Variants in MAN2B2 observed in about 807,000 individuals in gnomAD.
MAN2B2 encodes mannosidase alpha class 2B member 2.
In MAN2B2, 106 loss-of-function variants were observed where a neutral mutation model predicts 117.1. The observed-to-expected ratio is 0.90, with a 90% confidence interval of 0.77 to 1.06. The LOEUF is 1.06. MAN2B2 is among the 50% of genes least tolerant of loss of function. MAN2B2 has a pLI of 0.00. For synonymous variants in MAN2B2, 544 were observed against 595.1 expected, an observed-to-expected ratio of 0.91 and a Z score of 1.25; for missense variants, 1,326 against 1,381.4, an observed-to-expected ratio of 0.96 and a Z score of 0.64.
In MAN2B2 at chr4:6,611,256, G is replaced by A; in HGVS notation, c.2541G>A (p.Val847=). The change falls in exon 15 of 19, where the codon GTG becomes GTA. Residue 847 remains valine, a synonymous_variant. Transcript: ENST00000285599. The part of the protein sequence containing the change: ...RSALALQHRP[V]VLFGDLAGTA... Reference sequence around the variant, plus strand: ...CACTGGCGCTGCAGCACAGGCCCGTGGTGCTGTTCGGAGACCTCGCTGGTA... The same window carrying A: ...CACTGGCGCTGCAGCACAGGCCCGTAGTGCTGTTCGGAGACCTCGCTGGTA... 1 of 1,608,146 alleles carries A rather than the reference G, an allele frequency of 6.2e-7. No homozygotes were observed. Among genetic ancestry groups the A allele is most frequent in the Non-Finnish European group, 8.5e-7 (1 of 1,177,656 alleles).
intron 6 of MAN2B2, 35 bp downstream of exon 6, chr4:6,593,385 C>A: frequency 6.3e-7 from 1 of 1,587,502 alleles, no homozygotes. Context: ...GCCCTCAACA[C>A]AGCCCAAGGA....
Position 6,598,206 on chromosome 4 carries a change from C to T in MAN2B2, c.1257C>T (p.His419=), listed in dbSNP as rs752000583. Reference sequence around the variant, plus strand: ...TCTGGGGGTTGCTGCAGGTCCAGCACCATGATGCCATCACTGGGACTGAGT... The same window carrying T: ...TCTGGGGGTTGCTGCAGGTCCAGCATCATGATGCCATCACTGGGACTGAGT... ...QLRWAVSEVQ[H]HDAITGTESP... The change falls in exon 9 of 19, where the codon CAC becomes CAT. Residue 419 remains histidine (H), a synonymous_variant. Coordinates refer to ENST00000285599, the MANE Select transcript of MAN2B2 (RefSeq NM_015274.3). 6.2e-7 allele frequency: 1 copy of T among 1,613,490 alleles called. No homozygotes were observed. Among genetic ancestry groups the T allele is most frequent in the South Asian group, 1.1e-5 (1 of 91,084 alleles).
rs771068415 is a variant in MAN2B2 at position 6,587,110 on chromosome 4, A to G, written c.506A>G (p.Asn169Ser). 5.7e-5 allele frequency: 92 copies of G among 1,613,836 alleles called. No homozygotes were observed. Among genetic ancestry groups the G allele is most frequent in the South Asian group, 7.7e-5 (7 of 91,082 alleles). Residue 169 changes from asparagine (N) to serine (S), a missense_variant, in exon 4 of 19, where the codon AAT becomes AGT. Physicochemically the swap from Asn to Ser is conservative, Grantham distance 46. Transcript: ENST00000285599. ...ACCCTATTTGCGCTGGCGGGCTTCA[A>G]TGCCCACCTCGGCTCCCGGATCGAC... The part of the protein sequence containing the change: ...TPTLFALAGF[N>S]AHLGSRIDYD...
Position 6,611,121 on chromosome 4 carries a change from C to A in MAN2B2, c.2406C>A (p.Asp802Glu). The A allele has an allele frequency of 6.2e-7, 1 of 1,613,704 alleles. No individual in the cohort carries two copies. The highest frequency in any genetic ancestry group is 8.5e-7 in the Non-Finnish European group (1 of 1,179,842). Residue 802 changes from aspartate (D) to glutamate (E), a missense_variant, in exon 15 of 19, where the codon GAC becomes GAA. Physicochemically the swap from Asp to Glu is conservative, Grantham distance 45. Transcript: ENST00000285599. ...MLHRRLWNNF[D>E]WDLGYNLTLN... The stretch of plus-strand genomic sequence containing the variant: ...ACCGGCGGCTGTGGAACAACTTCGA[C>A]TGGGACCTGGGCTACAACCTCACGC...
At chr4:6,606,625 T>C (rs1377704338) in intron 11 of MAN2B2, among the ~76,000 whole-genome samples, 1 of 152,192 alleles carries the variant, frequency 6.6e-6, no homozygotes, top group Admixed American at 6.5e-5. Context: ...CTGTCTCTCT[T>C]GTTTTGAACT....
chr4:6,585,818 C>T (rs1252851524), intron 3 of MAN2B2, among the ~76,000 whole-genome samples: 5 of 152,152 alleles, frequency 3.3e-5, no homozygotes, highest in African/African-American at 7.2e-5. Context: ...CTCAGTTCCT[C>T]GCCATGTGAC....
At chr4:6,611,469 G>C (rs77685437) in intron 15 of MAN2B2, among the ~76,000 whole-genome samples, 191 bp downstream of exon 15, 2,664 of 152,188 alleles carry the variant, frequency 0.018, 69 homozygotes, top group African/African-American at 0.06. Context: ...GCTCACTTAA[G>C]GTCATACAAC....
At chr4:6,605,521 A>C (rs547870241) in intron 11 of MAN2B2, among the ~76,000 whole-genome samples, 192 bp downstream of exon 11, 1 of 152,106 alleles carries the variant, frequency 6.6e-6, no homozygotes, top group African/African-American at 2.4e-5. Flanking sequence ...GCTTTCTTAT[A>C]CTTTTTCATT....
intron 17 of MAN2B2, chr4:6,618,620 T>G (rs1037358332): frequency 6.6e-6 from 1 of 152,392 alleles, no homozygotes; most frequent in Non-Finnish European, 1.5e-5. Context: ...AGCTCTACTA[T>G]CAGGCGAGGC....
chr4:6,602,189 C>T (rs552661475), intron 10 of MAN2B2, among the ~76,000 whole-genome samples: 2 of 152,370 alleles, frequency 1.3e-5, no homozygotes, highest in African/African-American at 4.8e-5. Flanking sequence ...GCACTGTGCC[C>T]AGCACTAATG....
rs191447437 is a variant in MAN2B2, at chr4:6,621,531, G to A, written c.*246G>A. On this transcript the variant is annotated 3_prime_UTR_variant, in exon 19 of 19. Coordinates refer to ENST00000285599, the MANE Select transcript of MAN2B2 (RefSeq NM_015274.3). Reference sequence around the variant, plus strand: ...AGCCAGCCCTCTCCTCTTCTGTCACGTAAAGGATATTTGGCACACTCATGC... The same window carrying A: ...AGCCAGCCCTCTCCTCTTCTGTCACATAAAGGATATTTGGCACACTCATGC... The A allele has an allele frequency of 6.3e-5, 29 of 461,126 alleles. No homozygotes were observed. In the Admixed American group the frequency reaches 6.9e-4, roughly 11 times the overall value. The allele number at this position is 461,126 out of a possible 1,614,324, so 28.6% of individuals were successfully genotyped here.
chr4:6,609,657 T>C, intron 12 of MAN2B2, 141 bp from the exon 13 acceptor site: 2 of 1,077,774 alleles, frequency 1.9e-6, no homozygotes, highest in Non-Finnish European at 2.7e-6. Context: ...GTGGTGCTAT[T>C]GTCCACATGG....
At chr4:6,581,898 T>C (rs1429066753) in intron 3 of MAN2B2, among the ~76,000 whole-genome samples, 1 of 151,878 alleles carries the variant, frequency 6.6e-6, no homozygotes, top group Non-Finnish European at 1.5e-5. Flanking sequence ...ACATTTCTAG[T>C]GAGGGGAAAA....
intron 7 of MAN2B2, among the ~76,000 whole-genome samples, chr4:6,594,945 A>T (rs1178114716): frequency 6.6e-6 from 1 of 152,176 alleles, no homozygotes; most frequent in Non-Finnish European, 1.5e-5. Context: ...TGATTCCCAC[A>T]GGGTTCAGCC....
At chr4:6,611,054 A>G in intron 14 of MAN2B2, 32 bp from the exon 15 acceptor site, 1 of 1,612,034 alleles carries the variant, frequency 6.2e-7, no homozygotes, top group South Asian at 1.1e-5. Context: ...CCCAGGTGCA[A>G]GCCGGGCCTC....
chr4:6,619,814 TGG>T, intron 17 of MAN2B2, 111 bp from the exon 18 acceptor site: 1 of 852,046 alleles, frequency 1.2e-6, no homozygotes, highest in Admixed American at 2.0e-5. Flanking sequence ...GGGGAGGACC[TGG>T]GCTCCTGAGG....
At chr4:6,616,107 A>AT (rs553695750) in intron 16 of MAN2B2, among the ~76,000 whole-genome samples, 7 of 150,908 alleles carry the variant, frequency 4.6e-5, no homozygotes, top group South Asian at 2.1e-4. Flanking sequence ...CCCTGCCAAA[A>AT]TTTTTTTTTT....
chr4:6,611,767 C>T (rs758352314), intron 15 of MAN2B2, among the ~76,000 whole-genome samples: 6 of 152,188 alleles, frequency 3.9e-5, no homozygotes, highest in Non-Finnish European at 7.3e-5. Flanking sequence ...GCACCCCAGC[C>T]TGGGTGGCAA....
chr4:6,581,487 T>C (rs1726424896), intron 3 of MAN2B2, among the ~76,000 whole-genome samples: 1 of 151,762 alleles, frequency 6.6e-6, no homozygotes, highest in South Asian at 2.1e-4. Flanking sequence ...GGGGGCAGAG[T>C]GTGTGTATCA....
Sources: gnomAD v4.1 joint callset for allele counts (sites outside exome capture counted in the v4.1 genomes callset) on GRCh38, gnomAD v4.1.1 for gene constraint, MANE v1.5 for transcripts, NCBI Gene and HGNC (gene_info 2026-07-23, HGNC 2026-07-21) for gene names.